Variants in MYT1L observed in about 807,000 individuals in gnomAD.
The protein encoded by MYT1L is myelin transcription factor 1-like protein.
MYT1L carries 12 observed loss-of-function variants against 126.7 expected under a neutral mutation model. That is an observed-to-expected ratio of 0.09 (90% CI 0.06 to 0.15). The LOEUF is 0.15. MYT1L is among the 10% of genes least tolerant of loss of function. The pLI, the probability that MYT1L is intolerant of heterozygous loss-of-function variation, is 1.00. For missense variants in MYT1L, 979 were observed against 1,585.2 expected (o/e 0.62, Z 6.49); for synonymous variants, 541 against 604.2 (o/e 0.90, Z 1.53).
intron 3 of MYT1L, among the ~76,000 whole-genome samples, chr2:2,138,588 G>A (rs1170388880): frequency 3.6e-5 from 5 of 139,922 alleles, no homozygotes; most frequent in Non-Finnish European, 7.7e-5. Flanking sequence ...GTAAACTATC[G>A]CAAGAACAAA....
At chr2:2,286,831 C>A (rs1414776343) in intron 1 of MYT1L, among the ~76,000 whole-genome samples, 2 of 152,152 alleles carry the variant, frequency 1.3e-5, no homozygotes. Flanking sequence ...AGGCCACCTG[C>A]AGAAGGCGGG....
At chr2:2,244,897 A>G (rs1039859594) in intron 2 of MYT1L, among the ~76,000 whole-genome samples, 2 of 152,140 alleles carry the variant, frequency 1.3e-5, no homozygotes, top group African/African-American at 2.4e-5. Context: ...TGGCTACCAT[A>G]TTATTTTGAG....
At chr2:2,182,123 C>CTCT (rs912936251) in intron 2 of MYT1L, among the ~76,000 whole-genome samples, 1 of 151,740 alleles carries the variant, frequency 6.6e-6, no homozygotes, top group Non-Finnish European at 1.5e-5. Flanking sequence ...GCACGCCCCA[C>CTCT]TCTGACCGCA....
intron 23 of MYT1L, among the ~76,000 whole-genome samples, chr2:1,796,590 C>T (rs1186330816): frequency 6.6e-6 from 1 of 152,204 alleles, no homozygotes; most frequent in East Asian, 1.9e-4. Flanking sequence ...AATAGCCTGT[C>T]CTGAAAACAC....
intron 18 of MYT1L, among the ~76,000 whole-genome samples, chr2:1,877,071 C>T (rs1297811268): frequency 1.3e-5 from 2 of 152,132 alleles, no homozygotes; most frequent in East Asian, 3.9e-4. Context: ...CAGAAAAACC[C>T]ACTCCGCAAA....
At chr2:2,282,680 C>T (rs1281180105) in intron 2 of MYT1L, among the ~76,000 whole-genome samples, 1 of 152,068 alleles carries the variant, frequency 6.6e-6, no homozygotes, top group Admixed American at 6.5e-5. Context: ...TTTAAAAATC[C>T]AACTTATGAA....
chr2:1,834,474 T>G (rs896614736), intron 21 of MYT1L, among the ~76,000 whole-genome samples: 3 of 152,192 alleles, frequency 2.0e-5, no homozygotes, highest in African/African-American at 7.2e-5. Flanking sequence ...AGAAAAACCA[T>G]AGTCAACACA....
chr2:2,301,936 G>C (rs1165287343), intron 1 of MYT1L, among the ~76,000 whole-genome samples: 1 of 151,598 alleles, frequency 6.6e-6, no homozygotes, highest in African/African-American at 2.4e-5. Context: ...TAAAATTTTA[G>C]CTGTATATTA....
At chr2:2,141,922 T>A (rs1413087445) in intron 3 of MYT1L, among the ~76,000 whole-genome samples, 1 of 152,176 alleles carries the variant, frequency 6.6e-6, no homozygotes, top group Non-Finnish European at 1.5e-5. Flanking sequence ...TTTGGAAATT[T>A]AAAAAATGAT....
chr2:1,961,500 C>G (rs978459464), intron 8 of MYT1L, among the ~76,000 whole-genome samples: 1 of 152,264 alleles, frequency 6.6e-6, no homozygotes, highest in Admixed American at 6.5e-5. Flanking sequence ...AGTTCTTGCT[C>G]AGAACTGACA....
chr2:1,956,327 CCTATT>C (rs1466629898), intron 8 of MYT1L, among the ~76,000 whole-genome samples: 2 of 143,798 alleles, frequency 1.4e-5, no homozygotes, highest in African/African-American at 2.7e-5. Context: ...TTCTATGTGT[CCTATT>C]CTATATTTCC....
At chr2:1,869,749 A>G (rs905196085) in intron 18 of MYT1L, among the ~76,000 whole-genome samples, 10 of 152,098 alleles carry the variant, frequency 6.6e-5, no homozygotes, top group African/African-American at 2.2e-4. Flanking sequence ...GATGATTATT[A>G]TCATTATCCC....
At chr2:1,800,438 T>C (rs1453043175) in intron 23 of MYT1L, 2 of 152,312 alleles carry the variant, frequency 1.3e-5, no homozygotes, top group African/African-American at 4.8e-5. Context: ...TCTGGGGAAG[T>C]AGGTTGGCAT....
chr2:2,017,289 G>C (rs1384543123), intron 4 of MYT1L, among the ~76,000 whole-genome samples: 1 of 152,234 alleles, frequency 6.6e-6, no homozygotes, highest in African/African-American at 2.4e-5. Context: ...GTTTGCAAAA[G>C]TTATTCAGGA....
intron 14 of MYT1L, among the ~76,000 whole-genome samples, chr2:1,898,807 G>A (rs1443294611): frequency 6.6e-6 from 1 of 152,208 alleles, no homozygotes; most frequent in African/African-American, 2.4e-5. Context: ...AGTCGGGCAG[G>A]TGGAGGGAAG....
chr2:2,200,735 G>A (rs1486496776), intron 2 of MYT1L, among the ~76,000 whole-genome samples: 3 of 152,176 alleles, frequency 2.0e-5, no homozygotes, highest in African/African-American at 7.2e-5. Context: ...TTCTGAAAAG[G>A]GAGTTTCTCG....
Position 1,943,334 on chromosome 2 carries a change from A to G in MYT1L, c.153T>C (p.Ser51=). 6.5e-7 allele frequency: 1 copy of G among 1,545,564 alleles called. No individual in the cohort carries two copies. ...HVSGKYARHR[S]VYGCPLAKKR... ...TTTTCGCCAAGGGACAACCATATAC[A>G]CTAATTAAAAAAATAGAGAAGGCAG... Residue 51 remains serine (S), a splice_region_variant and synonymous_variant, in exon 9 of 25, where the codon AGT becomes AGC. Transcript: ENST00000647738. This position sits in a 1 kb window ranked among gnomAD's most constrained non-coding sequence, Gnocchi z 4.4.
intron 4 of MYT1L, among the ~76,000 whole-genome samples, chr2:2,043,555 T>A (rs1266084180): frequency 1.3e-5 from 2 of 152,186 alleles, no homozygotes; most frequent in Non-Finnish European, 2.9e-5. Context: ...TCCCCTTCCA[T>A]TCTTTCCTGG....
At chr2:1,985,733 A>G (rs919889185) in intron 5 of MYT1L, among the ~76,000 whole-genome samples, 5 of 152,262 alleles carry the variant, frequency 3.3e-5, no homozygotes, top group African/African-American at 1.2e-4. Context: ...CTAAGAAAAT[A>G]GCAATCAAAA....
Sources: allele counts gnomAD v4.1 joint callset (sites outside exome capture counted in the v4.1 genomes callset), GRCh38; gene constraint gnomAD v4.1.1; non-coding constraint Gnocchi (gnomAD v3.1); transcripts MANE v1.5; gene names NCBI Gene and HGNC (gene_info 2026-07-23, HGNC 2026-07-21).